The following EYS variants were observed in gnomAD, a reference collection of about 807,000 sequenced individuals.
EYS encodes the protein EGF-like photoreceptor maintenance factor.
Under a neutral mutation model 282.1 loss-of-function variants are expected in EYS, and 250 were observed. The observed-to-expected ratio is 0.89, with a 90% CI of 0.80 to 0.98. The LOEUF (loss-of-function observed/expected upper bound fraction) is 0.98. Among genes scored for constraint, EYS ranks in the 50% least tolerant of loss-of-function variants. The probability of loss-of-function intolerance (pLI) is 0.00; values close to 1 mark genes in which losing one functional copy is unlikely to be tolerated. For missense variants in EYS, 4,016 were observed against 3,709.0 expected, an observed-to-expected ratio of 1.08 and a Z score of -2.15; for synonymous variants, 1,355 against 1,282.9, an observed-to-expected ratio of 1.06 and a Z score of -1.20.
intron 12 of EYS, among the ~76,000 whole-genome samples, chr6:65,087,022 C>T (rs1385346550): frequency 2.0e-5 from 3 of 152,056 alleles, no homozygotes; most frequent in Non-Finnish European, 2.9e-5. Flanking sequence ...GGGGTTTCAC[C>T]ATGTTGGCCA....
intron 15 of EYS, among the ~76,000 whole-genome samples, chr6:64,926,419 A>C (rs954181051): frequency 6.6e-6 from 1 of 152,182 alleles, no homozygotes; most frequent in Non-Finnish European, 1.5e-5. Context: ...GAGAGCATGC[A>C]GGATAATTTC....
At chr6:65,331,246 AG>A in intron 11 of EYS, 3 of 643,430 alleles carry the variant, frequency 4.7e-6, no homozygotes, top group Non-Finnish European at 5.8e-6. Flanking sequence ...TTAATATTTT[AG>A]CTAATTTAAG....
At chr6:64,049,071 C>T (rs909221990) in intron 33 of EYS, among the ~76,000 whole-genome samples, 4 of 152,176 alleles carry the variant, frequency 2.6e-5, no homozygotes, top group African/African-American at 9.6e-5. Context: ...CACTTACAAT[C>T]AGTACTTCAC....
chr6:64,536,361 C>A (rs998640626), intron 26 of EYS, among the ~76,000 whole-genome samples: 23 of 152,132 alleles, frequency 1.5e-4, no homozygotes, highest in Non-Finnish European at 2.9e-4. Flanking sequence ...TTCACCTTAA[C>A]TGTCAGCAGG....
At chr6:64,980,586 C>T (rs1770626538) in intron 14 of EYS, among the ~76,000 whole-genome samples, 1 of 151,344 alleles carries the variant, frequency 6.6e-6, no homozygotes, top group Non-Finnish European at 1.5e-5. Context: ...TGTATTAATA[C>T]ATATACTTTG....
intron 8 of EYS, among the ~76,000 whole-genome samples, chr6:65,362,104 C>G (rs1764734213): frequency 6.6e-6 from 1 of 152,024 alleles, no homozygotes; most frequent in East Asian, 1.9e-4. Context: ...AGTATTACTA[C>G]AAGAACAAAA....
At chr6:64,631,227 C>T (rs1227348503) in intron 22 of EYS, 1 of 152,160 alleles carries the variant, frequency 6.6e-6, no homozygotes, top group Admixed American at 6.5e-5. Context: ...ATCATGCCTC[C>T]ATTTAGCTAA....
chr6:65,096,670 A>T (rs1203191785), intron 12 of EYS, among the ~76,000 whole-genome samples: 2 of 151,058 alleles, frequency 1.3e-5, no homozygotes, highest in African/African-American at 4.8e-5. Flanking sequence ...ATCAAACAGA[A>T]TAGACAGCCT....
At chr6:64,225,215 C>A (rs1356524349) in intron 31 of EYS, among the ~76,000 whole-genome samples, 3 of 152,034 alleles carry the variant, frequency 2.0e-5, no homozygotes, top group African/African-American at 7.2e-5. Flanking sequence ...ACTAGATATC[C>A]ACTCAATAGG....
At chr6:64,651,666 A>G (rs1403880821) in intron 22 of EYS, among the ~76,000 whole-genome samples, 1 of 152,230 alleles carries the variant, frequency 6.6e-6, no homozygotes, top group African/African-American at 2.4e-5. Context: ...GTGGTGACAG[A>G]GCGAGACTCC....
chr6:64,568,530 A>C (rs1282963985), intron 26 of EYS, among the ~76,000 whole-genome samples: 1 of 152,164 alleles, frequency 6.6e-6, no homozygotes, highest in Non-Finnish European at 1.5e-5. Context: ...AGAGCACTTA[A>C]GGGAAGGGGC....
intron 31 of EYS, among the ~76,000 whole-genome samples, chr6:64,156,164 G>A (rs368730678): frequency 2.0e-5 from 3 of 151,832 alleles, no homozygotes; most frequent in East Asian, 1.9e-4. Context: ...GTTGCGGGAG[G>A]GACCTGGTGG....
At chr6:64,192,482 G>T (rs889433865) in intron 31 of EYS, among the ~76,000 whole-genome samples, 5 of 152,046 alleles carry the variant, frequency 3.3e-5, no homozygotes, top group East Asian at 3.9e-4. Flanking sequence ...TCAAAACAGA[G>T]ATATAGATCA....
chr6:65,471,289 C>CT (rs1187092843), intron 5 of EYS, among the ~76,000 whole-genome samples: 1 of 149,718 alleles, frequency 6.7e-6, no homozygotes, highest in African/African-American at 2.5e-5. Flanking sequence ...CCCAGCTACT[C>CT]AATGGCTGAA....
chr6:64,336,363 C>A (rs914426242), intron 29 of EYS, among the ~76,000 whole-genome samples: 2 of 152,010 alleles, frequency 1.3e-5, no homozygotes, highest in African/African-American at 4.8e-5. Flanking sequence ...TTCAAAGAAA[C>A]AGCAGTTAAA....
chr6:65,121,737 TA>T (rs1479635992), intron 12 of EYS, among the ~76,000 whole-genome samples: 1 of 152,182 alleles, frequency 6.6e-6, no homozygotes, highest in Non-Finnish European at 1.5e-5. Flanking sequence ...TCTACAGTGA[TA>T]CGTGTATAAT....
intron 22 of EYS, among the ~76,000 whole-genome samples, chr6:64,689,927 C>T (rs1236337641): frequency 6.6e-6 from 1 of 152,136 alleles, no homozygotes; most frequent in East Asian, 1.9e-4. Context: ...ACAAGGACTT[C>T]ACGTCTAAAA....
intron 33 of EYS, 26 bp from the exon 34 acceptor site, chr6:63,999,209 T>A: frequency 1.4e-6 from 2 of 1,471,024 alleles, no homozygotes; most frequent in Non-Finnish European, 1.9e-6. Flanking sequence ...AAGAGGCCAT[T>A]ATGATATGTG....
chr6:65,207,789 T>C (rs1222143180), intron 12 of EYS, among the ~76,000 whole-genome samples: 1 of 151,766 alleles, frequency 6.6e-6, no homozygotes, highest in Non-Finnish European at 1.5e-5. Flanking sequence ...GGACTCCCCA[T>C]TTAAAAAATG....
Sources: gnomAD v4.1 joint callset for allele counts (sites outside exome capture counted in the v4.1 genomes callset) on GRCh38, gnomAD v4.1.1 for gene constraint, MANE v1.5 for transcripts, NCBI Gene and HGNC (gene_info 2026-07-23, HGNC 2026-07-21) for gene names.